The following KCTD16 variants were observed in gnomAD, a reference collection of about 807,000 sequenced individuals.
KCTD16 encodes BTB/POZ domain-containing protein KCTD16.
A neutral mutation model predicts 33.2 loss-of-function variants in KCTD16; 13 were observed. That is an observed-to-expected ratio of 0.39 (90% CI 0.25 to 0.62). The LOEUF (loss-of-function observed/expected upper bound fraction) is 0.62, where lower values mean the gene tolerates loss of function less well. KCTD16 is among the 20% of genes least tolerant of loss of function. KCTD16 has a pLI of 0.50. For missense variants in KCTD16, 441 were observed against 525.1 expected, an observed-to-expected ratio of 0.84 and a Z score of 1.57; for synonymous variants, 197 against 195.3, an observed-to-expected ratio of 1.01 and a Z score of -0.07.
intron 3 of KCTD16, among the ~76,000 whole-genome samples, chr5:144,358,338 G>T (rs1009111121): frequency 1.1e-4 from 17 of 152,142 alleles, no homozygotes; most frequent in African/African-American, 3.1e-4. Flanking sequence ...CACAAAGGTG[G>T]TGAGAGGTTT....
intron 3 of KCTD16, among the ~76,000 whole-genome samples, chr5:144,414,113 A>G (rs1471515979): frequency 6.6e-6 from 1 of 152,200 alleles, no homozygotes; most frequent in Non-Finnish European, 1.5e-5. Context: ...TCTAGCCACA[A>G]GTTAGATAAG....
rs558844805 is a variant in KCTD16, at chr5:144,256,457, G to T, written c.832+48911G>T. ...GTCAAAACACCGGTTTAGTGTGACT[G>T]TTTGGAGTTTGTCAAACAGAATCAC... On this transcript the variant is annotated intron_variant, in intron 3 of 3. Transcript: ENST00000512467. Among the ~76,000 whole-genome samples, 5 of 152,218 alleles carry T rather than the reference G, an allele frequency of 3.3e-5. No homozygotes were observed. In the South Asian group the frequency reaches 1.0e-3, roughly 32 times the overall value.
intron 3 of KCTD16, among the ~76,000 whole-genome samples, chr5:144,355,832 C>A (rs1751557743): frequency 6.6e-6 from 1 of 152,106 alleles, no homozygotes; most frequent in Admixed American, 6.6e-5. Flanking sequence ...CTATCTACTC[C>A]CCTTGCTCAG....
At position 144,296,050 on chromosome 5, in the gene KCTD16, A is replaced by G. The variant is rs186362197; in HGVS notation, c.832+88504A>G. On this transcript the variant is annotated intron_variant, in intron 3 of 3. Transcript: ENST00000512467. The stretch of plus-strand genomic sequence containing the variant: ...TTTGTGATAATTTGTCAATGTAGCA[A>G]TAGAAAACTAACATAGGGACAAACT... Among the ~76,000 whole-genome samples, 11 of 152,320 alleles carry G rather than the reference A, an allele frequency of 7.2e-5. No homozygotes were observed. In the East Asian group the frequency reaches 1.9e-3, roughly 27 times the overall value.
chr5:144,464,728 A>ATTCCTCTTTCTCCTCTTCCTCTTCCTC (rs2126995110), intron 3 of KCTD16, among the ~76,000 whole-genome samples: 1 of 125,610 alleles, frequency 8.0e-6, no homozygotes, highest in South Asian at 2.6e-4. Flanking sequence ...TCTTCTTCCT[A>ATTCCTCTTTCTCCTCTTCCTCTTCCTC]TTCCTCTTTC....
chr5:144,212,202 A>G (rs779562505), intron 3 of KCTD16, among the ~76,000 whole-genome samples: 16 of 152,168 alleles, frequency 1.1e-4, no homozygotes, highest in Non-Finnish European at 2.1e-4. Context: ...CAGCAGGCAT[A>G]ATTTTTCTTA....
chr5:144,217,241 T>G (rs1753592462), intron 3 of KCTD16, among the ~76,000 whole-genome samples: 1 of 152,198 alleles, frequency 6.6e-6, no homozygotes, highest in African/African-American at 2.4e-5. Flanking sequence ...AAAGACATTT[T>G]CCTATGGGCA....
intron 3 of KCTD16, among the ~76,000 whole-genome samples, chr5:144,340,175 G>A (rs1357473718): frequency 6.6e-6 from 1 of 151,974 alleles, no homozygotes; most frequent in African/African-American, 2.4e-5. Flanking sequence ...AGCACTTTGG[G>A]AGGCCGAGAT....
chr5:144,311,512 G>T (rs949587855), intron 3 of KCTD16, among the ~76,000 whole-genome samples: 1 of 152,088 alleles, frequency 6.6e-6, no homozygotes, highest in African/African-American at 2.4e-5. Context: ...ATATCAAGAG[G>T]TGTTTATTAC....
chr5:144,274,767 T>C (rs764653894), intron 3 of KCTD16, among the ~76,000 whole-genome samples: 1 of 152,172 alleles, frequency 6.6e-6, no homozygotes, highest in Non-Finnish European at 1.5e-5. Context: ...AACCCAACCC[T>C]TGCTTAATGA....
chr5:144,272,818 C>T (rs1274015007), intron 3 of KCTD16, among the ~76,000 whole-genome samples: 2 of 151,964 alleles, frequency 1.3e-5, no homozygotes, highest in Non-Finnish European at 2.9e-5. Context: ...ACACCATATA[C>T]AAAAATTAAC....
intron 3 of KCTD16, among the ~76,000 whole-genome samples, chr5:144,319,530 G>A (rs1010469187): frequency 1.3e-5 from 2 of 152,102 alleles, no homozygotes; most frequent in African/African-American, 2.4e-5. Context: ...GATAAATTAC[G>A]TTGGAGCTTG....
chr5:144,273,771 G>C lies in KCTD16; in HGVS notation c.832+66225G>C, dbSNP rs1468304707. Among the ~76,000 whole-genome samples, 8 of 151,658 alleles carry C rather than the reference G, an allele frequency of 5.3e-5. No homozygotes were observed. The East Asian group carries it at 1.6e-3, about 29-fold the overall frequency. On this transcript the variant is annotated intron_variant, in intron 3 of 3. Transcript: ENST00000512467. ...AGTAGAATGGTTGTTGTCAGGGGCT[G>C]GGGGGAGGGGGAAATAGGGAGTTAC...
At chr5:144,295,218 T>C (rs1052120922) in intron 3 of KCTD16, among the ~76,000 whole-genome samples, 6 of 152,230 alleles carry the variant, frequency 3.9e-5, no homozygotes, top group African/African-American at 1.4e-4. Flanking sequence ...GTAGTACACG[T>C]AAGTGTCCTG....
intron 3 of KCTD16, among the ~76,000 whole-genome samples, chr5:144,223,831 G>T (rs1313328452): frequency 2.0e-5 from 3 of 152,064 alleles, no homozygotes; most frequent in African/African-American, 4.8e-5. Context: ...TTAAAGTGGT[G>T]CTGTTTGGAT....
At position 144,263,304 on chromosome 5, in the gene KCTD16, A is replaced by G. The variant is rs193148671; in HGVS notation, c.832+55758A>G. 3.4e-4 allele frequency among the ~76,000 whole-genome samples: 52 copies of G among 152,352 alleles called. 1 individual carries two copies. The highest frequency in any genetic ancestry group is 1.3e-3 in the African/African-American group (52 of 41,582). On this transcript the variant is annotated intron_variant, in intron 3 of 3. Coordinates refer to ENST00000512467, the MANE Select transcript of KCTD16 (RefSeq NM_020768.4). The stretch of plus-strand genomic sequence containing the variant: ...CAAGGGCATCAAGATTAAATAAAAC[A>G]GATTCACATTTTCGTAACTAAATTC...
At chr5:144,420,037 A>G (rs980259460) in intron 3 of KCTD16, among the ~76,000 whole-genome samples, 2 of 152,154 alleles carry the variant, frequency 1.3e-5, no homozygotes, top group African/African-American at 2.4e-5. Flanking sequence ...GTATTTAATA[A>G]TATTTTGAGC....
At chr5:144,280,194 G>T (rs1254400256) in intron 3 of KCTD16, among the ~76,000 whole-genome samples, 1 of 152,082 alleles carries the variant, frequency 6.6e-6, no homozygotes, top group Non-Finnish European at 1.5e-5. Flanking sequence ...AATGAGCTGA[G>T]TAGTATTCCC....
chr5:144,224,039 G>A (rs536092846), intron 3 of KCTD16, among the ~76,000 whole-genome samples: 9 of 151,956 alleles, frequency 5.9e-5, no homozygotes, highest in Non-Finnish European at 7.4e-5. Flanking sequence ...GTTCAGGTTC[G>A]TAGTAGTGTG....
Sources: allele counts gnomAD v4.1 joint callset (sites outside exome capture counted in the v4.1 genomes callset), GRCh38; gene constraint gnomAD v4.1.1; transcripts MANE v1.5; gene names NCBI Gene and HGNC (gene_info 2026-07-23, HGNC 2026-07-21).